The following TMEM272 variants were observed in gnomAD, a reference collection of about 807,000 sequenced individuals.
TMEM272 encodes the protein transmembrane protein 272.
A neutral mutation model predicts 3.7 loss-of-function variants in TMEM272; 8 were observed. The observed-to-expected ratio is 2.17, with a 90% CI of 1.27 to 3.91. TMEM272 has a LOEUF of 3.91. TMEM272 is among the 30% of genes most tolerant of loss of function. The probability of loss-of-function intolerance (pLI) is 0.00; values close to 1 mark genes in which losing one functional copy is unlikely to be tolerated. For synonymous variants in TMEM272, 63 were observed against 39.8 expected, an observed-to-expected ratio of 1.58 and a Z score of -2.20; for missense variants, 166 against 91.5, an observed-to-expected ratio of 1.81 and a Z score of -3.32.
chr13:51,925,972 G>A, the TMEM272 span, among the ~76,000 whole-genome samples: 17 of 152,228 alleles, frequency 1.1e-4, no homozygotes, highest in African/African-American at 4.1e-4. Context: ...AGGTATGTGT[G>A]TTGTGCATAT....
At chr13:51,868,389 GCA>G in the TMEM272 span, among the ~76,000 whole-genome samples, 52 of 152,350 alleles carry the variant, frequency 3.4e-4, no homozygotes, top group African/African-American at 1.3e-3. Context: ...ATGCAAAGAT[GCA>G]CAGAGATGAA....
the TMEM272 span, among the ~76,000 whole-genome samples, chr13:51,871,334 G>A: frequency 6.6e-6 from 1 of 152,026 alleles, no homozygotes; most frequent in Admixed American, 6.5e-5. Context: ...GGGACTACAG[G>A]TGCCCGCCAC....
intron 1 of TMEM272, among the ~76,000 whole-genome samples, chr13:51,841,839 C>T (rs1956266513): frequency 6.6e-6 from 1 of 152,124 alleles, no homozygotes; most frequent in South Asian, 2.1e-4. Flanking sequence ...TGGATGAGAA[C>T]TAAAAAAAGA....
At chr13:51,930,976 G>T in the TMEM272 span, among the ~76,000 whole-genome samples, 7 of 151,882 alleles carry the variant, frequency 4.6e-5, no homozygotes, top group Admixed American at 3.9e-4. Flanking sequence ...AAAAAAATGA[G>T]AATTACTGCA....
the TMEM272 span, among the ~76,000 whole-genome samples, chr13:51,929,938 A>T: frequency 6.6e-6 from 1 of 152,204 alleles, no homozygotes; most frequent in Non-Finnish European, 1.5e-5. Context: ...TCTGCTCTCA[A>T]CAGGCCTCTC....
At chr13:51,888,755 C>T in the TMEM272 span, among the ~76,000 whole-genome samples, 1 of 143,746 alleles carries the variant, frequency 7.0e-6, no homozygotes, top group African/African-American at 2.6e-5. Flanking sequence ...AAGCGATTCT[C>T]CTGCCTCAGC....
the TMEM272 span, chr13:51,908,072 C>A: frequency 5.4e-6 from 2 of 368,448 alleles, no homozygotes; most frequent in South Asian, 7.3e-5. Flanking sequence ...TTAAATCATC[C>A]TTATTTACAA....
intron 2 of TMEM272, among the ~76,000 whole-genome samples, chr13:51,828,414 G>A (rs926964239): frequency 6.6e-6 from 1 of 152,214 alleles, no homozygotes; most frequent in East Asian, 1.9e-4. Context: ...AGCGGGTAGG[G>A]TGCACAGGGC....
chr13:51,881,751 T>C, the TMEM272 span, among the ~76,000 whole-genome samples: 1 of 152,188 alleles, frequency 6.6e-6, no homozygotes. Context: ...ACACCACCTA[T>C]GAGCCAGGAA....
chr13:51,841,671 A>G (rs9596590), intron 1 of TMEM272, among the ~76,000 whole-genome samples: 2,112 of 152,368 alleles, frequency 0.014, 56 homozygotes, highest in African/African-American at 0.048. Context: ...AGGTAGAAAC[A>G]TCAATTTGAA....
the TMEM272 span, chr13:51,908,150 G>A: frequency 4.6e-5 from 26 of 559,872 alleles, no homozygotes; most frequent in Admixed American, 8.6e-5. Flanking sequence ...TGAAGTAACA[G>A]CAGTTACTTC....
At chr13:51,846,919 G>A (rs562582501), upstream of TMEM272, among the ~76,000 whole-genome samples, 27 of 152,212 alleles carry the variant, frequency 1.8e-4, no homozygotes, top group Non-Finnish European at 3.5e-4. Flanking sequence ...GTTTATGAAG[G>A]CTATAGTAGT....
the TMEM272 span, among the ~76,000 whole-genome samples, chr13:51,889,055 G>A: frequency 6.6e-6 from 1 of 152,118 alleles, no homozygotes; most frequent in Admixed American, 6.5e-5. Context: ...GTGTCCAGGT[G>A]TAACTGTTTG....
the TMEM272 span, among the ~76,000 whole-genome samples, chr13:51,861,203 G>A: frequency 6.6e-6 from 1 of 152,124 alleles, no homozygotes; most frequent in African/African-American, 2.4e-5. Flanking sequence ...GCTGCTACGT[G>A]TGGGGAGTGG....
the TMEM272 span, among the ~76,000 whole-genome samples, chr13:51,904,259 T>C: frequency 6.6e-6 from 1 of 152,172 alleles, no homozygotes; most frequent in East Asian, 1.9e-4. Flanking sequence ...CCAGATTTAG[T>C]GCTGCTGCCT....
At chr13:51,851,610 C>T in the TMEM272 span, among the ~76,000 whole-genome samples, 1 of 151,012 alleles carries the variant, frequency 6.6e-6, no homozygotes, top group African/African-American at 2.4e-5. Flanking sequence ...CCACAACCTC[C>T]ACCTCCTGGG....
chr13:51,893,273 A>G, the TMEM272 span, among the ~76,000 whole-genome samples: 3 of 152,226 alleles, frequency 2.0e-5, no homozygotes, highest in Admixed American at 6.5e-5. Flanking sequence ...AGCTTAAATT[A>G]TATCTGTGTT....
chr13:51,915,934 G>C, the TMEM272 span, among the ~76,000 whole-genome samples: 1 of 152,084 alleles, frequency 6.6e-6, no homozygotes, highest in Non-Finnish European at 1.5e-5. Context: ...TTAGCTGGGC[G>C]TGGTGGTGTG....
the TMEM272 span, among the ~76,000 whole-genome samples, chr13:51,926,003 T>C: frequency 6.6e-6 from 1 of 152,118 alleles, no homozygotes; most frequent in Non-Finnish European, 1.5e-5. Context: ...GTATGTGGTA[T>C]GTGTGGCATA....
Sources: gnomAD v4.1 joint callset for allele counts (sites outside exome capture counted in the v4.1 genomes callset) on GRCh38, gnomAD v4.1.1 for gene constraint, MANE v1.5 for transcripts, NCBI Gene and HGNC (gene_info 2026-07-23, HGNC 2026-07-21) for gene names.